The following GRIN3A variants were observed in gnomAD, a reference collection of about 807,000 sequenced individuals.
GRIN3A encodes the protein glutamate ionotropic receptor NMDA type subunit 3A.
In GRIN3A, 47 loss-of-function variants were observed where a neutral mutation model predicts 92.4. That is an observed-to-expected ratio of 0.51 (90% CI 0.40 to 0.65). The LOEUF is 0.65. Among genes scored for constraint, GRIN3A ranks in the 30% least tolerant of loss-of-function variants. The probability of loss-of-function intolerance (pLI) is 0.00; values close to 1 mark genes in which losing one functional copy is unlikely to be tolerated. For missense variants in GRIN3A, 1,324 were observed against 1,393.1 expected, an observed-to-expected ratio of 0.95 and a Z score of 0.79; for synonymous variants, 527 against 540.6, an observed-to-expected ratio of 0.97 and a Z score of 0.35.
chr9:101,581,913 CCTTAT>C (rs1471340378), intron 6 of GRIN3A, among the ~76,000 whole-genome samples: 19 of 152,234 alleles, frequency 1.2e-4, no homozygotes, highest in Non-Finnish European at 7.4e-5. Flanking sequence ...TAGCAACTTG[CCTTAT>C]CTTTATGACA....
At chr9:101,595,074 A>G in intron 6 of GRIN3A, 11 of 441,600 alleles carry the variant, frequency 2.5e-5, no homozygotes, top group South Asian at 5.5e-5. Context: ...AGGGGAGCGG[A>G]GGGAGGGGCG....
At chr9:101,583,292 A>AT (rs1827912434) in intron 6 of GRIN3A, among the ~76,000 whole-genome samples, 1 of 152,118 alleles carries the variant, frequency 6.6e-6, no homozygotes, top group Non-Finnish European at 1.5e-5. Flanking sequence ...AACTATCACA[A>AT]TTTTTTATTT....
Position 101,737,768 on chromosome 9 carries a change from T to C in GRIN3A, c.212A>G (p.Asp71Gly), listed in dbSNP as rs2119055041. The C allele has an allele frequency of 6.5e-7, 1 of 1,528,664 alleles. No homozygotes were observed. Among genetic ancestry groups the C allele is most frequent in the Non-Finnish European group, 8.7e-7 (1 of 1,143,876 alleles). The allele number at this position is 1,528,664 out of a possible 1,614,324, so 94.7% of individuals were successfully genotyped here. Reference protein sequence around the residue: ...APRAASRAPDDSRAGAQRDEP... With the variant: ...APRAASRAPDGSRAGAQRDEP... The stretch of plus-strand genomic sequence containing the variant: ...ATCCCTCTGGGCTCCTGCTCGGCTG[T>C]CGTCCGGAGCGCGGCTGGCCGCGCG... Residue 71 changes from aspartate (D) to glycine (G), a missense_variant, in exon 1 of 9, where the codon GAC becomes GGC. Transcript: ENST00000361820.
At chr9:101,607,895 G>T (rs1828308068) in intron 6 of GRIN3A, among the ~76,000 whole-genome samples, 1 of 152,230 alleles carries the variant, frequency 6.6e-6, no homozygotes. Context: ...AATCCAGCAG[G>T]CAGAGGCTGT....
chr9:101,722,529 A>C (rs1262405942), intron 1 of GRIN3A, among the ~76,000 whole-genome samples: 3 of 152,152 alleles, frequency 2.0e-5, no homozygotes, highest in Non-Finnish European at 4.4e-5. Context: ...CAAACACTCA[A>C]CGCCAGCCTG....
At chr9:101,724,102 C>T (rs1041671049) in intron 1 of GRIN3A, among the ~76,000 whole-genome samples, 23 of 152,320 alleles carry the variant, frequency 1.5e-4, no homozygotes, top group East Asian at 3.9e-4. Flanking sequence ...GCCAGTCCCA[C>T]GCTGTGCGCC....
At chr9:101,576,350 G>A (rs1191126041) in intron 8 of GRIN3A, among the ~76,000 whole-genome samples, 3 of 152,154 alleles carry the variant, frequency 2.0e-5, no homozygotes, top group African/African-American at 7.2e-5. Flanking sequence ...TTGTATAGAG[G>A]TAGGCACAGG....
chr9:101,635,252 G>T (rs573931651), intron 3 of GRIN3A, among the ~76,000 whole-genome samples: 1 of 150,064 alleles, frequency 6.7e-6, no homozygotes, highest in South Asian at 2.1e-4. Flanking sequence ...AGGGACTAGA[G>T]GTCAGCAAAT....
chr9:101,699,852 CA>C (rs775605555), intron 1 of GRIN3A, among the ~76,000 whole-genome samples: 9 of 152,180 alleles, frequency 5.9e-5, no homozygotes, highest in Non-Finnish European at 7.3e-5. Flanking sequence ...TGGAATTCCC[CA>C]AATGCTCCAA....
chr9:101,579,275 C>A lies in GRIN3A; in HGVS notation c.2852G>T (p.Gly951Val). Residue 951 changes from glycine to valine, a missense_variant, in exon 7 of 9, where the codon GGT becomes GTT. By Grantham distance (109) the Gly-to-Val change is moderately radical. Transcript: ENST00000361820. ...CAGCAGCCTGTATACTATGTGCTCA[C>A]CAATGGTGGTCAAAATGGACAGACC... ...GFGLSILTTI[G>V]EHIVYRLLLP... The A allele has an allele frequency of 6.2e-7, 1 of 1,613,954 alleles. No homozygotes were observed. The highest frequency in any genetic ancestry group is 8.5e-7 in the Non-Finnish European group (1 of 1,179,926).
intron 2 of GRIN3A, among the ~76,000 whole-genome samples, chr9:101,685,024 T>C (rs1829515002): frequency 1.3e-5 from 2 of 152,162 alleles, no homozygotes; most frequent in Non-Finnish European, 2.9e-5. Flanking sequence ...AAAATATGCA[T>C]GGATTTTAAT....
chr9:101,650,656 A>T (rs540565528), intron 3 of GRIN3A, among the ~76,000 whole-genome samples: 4 of 152,104 alleles, frequency 2.6e-5, no homozygotes, highest in African/African-American at 7.2e-5. Context: ...GTTTTGCAAT[A>T]TTATCATAGA....
At chr9:101,579,662 TA>T (rs2118786245) in intron 6 of GRIN3A, among the ~76,000 whole-genome samples, 1 of 152,262 alleles carries the variant, frequency 6.6e-6, no homozygotes, top group Admixed American at 6.5e-5. Flanking sequence ...GAAGAAACCT[TA>T]AAAACTGAGT....
At chr9:101,606,042 C>T (rs1828276508) in intron 6 of GRIN3A, among the ~76,000 whole-genome samples, 1 of 152,208 alleles carries the variant, frequency 6.6e-6, no homozygotes. Context: ...CTCCCAAGAC[C>T]AGGGTCATTT....
chr9:101,665,841 A>G (rs1829230540), intron 3 of GRIN3A, among the ~76,000 whole-genome samples: 1 of 151,970 alleles, frequency 6.6e-6, no homozygotes, highest in Non-Finnish European at 1.5e-5. Flanking sequence ...TCAAAGGCAA[A>G]AACTGCAATT....
intron 2 of GRIN3A, among the ~76,000 whole-genome samples, chr9:101,672,569 C>A (rs549044199): frequency 5.9e-5 from 9 of 152,088 alleles, no homozygotes; most frequent in African/African-American, 2.2e-4. Flanking sequence ...TCACCCATTG[C>A]CTGTCACAAA....
intron 6 of GRIN3A, among the ~76,000 whole-genome samples, chr9:101,580,832 G>A (rs546724589): frequency 3.9e-5 from 6 of 152,222 alleles, no homozygotes; most frequent in African/African-American, 1.4e-4. Flanking sequence ...CCAAAGCCTG[G>A]GCTCTTTCTG....
intron 6 of GRIN3A, among the ~76,000 whole-genome samples, chr9:101,609,620 C>T (rs553686987): frequency 1.8e-4 from 27 of 152,262 alleles, no homozygotes; most frequent in Admixed American, 5.2e-4. Flanking sequence ...ATAGTGTGTT[C>T]GCTTCTGTGT....
At chr9:101,602,970 C>T (rs1417615589) in intron 6 of GRIN3A, 1 of 152,172 alleles carries the variant, frequency 6.6e-6, no homozygotes, top group African/African-American at 2.4e-5. Context: ...CCGTAAAGAT[C>T]TGTTTTAAGT....
Sources: allele counts gnomAD v4.1 joint callset (sites outside exome capture counted in the v4.1 genomes callset), GRCh38; gene constraint gnomAD v4.1.1; transcripts MANE v1.5; gene names NCBI Gene and HGNC (gene_info 2026-07-23, HGNC 2026-07-21).